CERS3: variants seen among roughly 807,000 people sequenced by gnomAD.
CERS3 encodes LAG1 homolog, ceramide synthase 3.
CERS3 carries 33 observed loss-of-function variants against 50.3 expected under a neutral mutation model. The ratio of observed to expected loss-of-function variants is 0.66; its 90% CI spans 0.50 to 0.88. The LOEUF is 0.88. CERS3 is among the 40% of genes least tolerant of loss of function. CERS3 has a pLI of 0.00. For synonymous variants in CERS3, 176 were observed against 155.2 expected (o/e 1.13, Z -0.99); for missense variants, 470 against 460.3 (o/e 1.02, Z -0.19).
At chr15:100,531,851 T>A (rs1266110377), upstream of CERS3, among the ~76,000 whole-genome samples, 1 of 152,246 alleles carries the variant, frequency 6.6e-6, no homozygotes, top group Non-Finnish European at 1.5e-5. Flanking sequence ...TAATGATTCA[T>A]TGCATTTTAA....
chr15:100,526,089 T>G (rs1316126471), intron 1 of CERS3, among the ~76,000 whole-genome samples: 1 of 152,212 alleles, frequency 6.6e-6, no homozygotes, highest in African/African-American at 2.4e-5. Context: ...TGATCTGCAG[T>G]TTCTCTGGAT....
At position 100,403,060 on chromosome 15, in the gene CERS3, G is replaced by A. The variant is rs75094508; in HGVS notation, c.1000-195C>T. ...CAAACCTAAATAATTGACATTACAC[G>A]AAGCATATTTCTAGACCATAATGGA... On this transcript the variant is annotated intron_variant, in intron 11 of 11. Transcript: ENST00000679737. 5.3e-3 allele frequency among the ~76,000 whole-genome samples: 799 copies of A among 152,178 alleles called. 7 individuals are homozygous for A. Among genetic ancestry groups the A allele is most frequent in the African/African-American group, 0.018 (762 of 41,506 alleles).
intron 11 of CERS3, among the ~76,000 whole-genome samples, chr15:100,417,339 G>A (rs1210261813): frequency 2.0e-5 from 3 of 152,196 alleles, no homozygotes; most frequent in East Asian, 1.9e-4. Context: ...CTGGAAAATC[G>A]GGTCACTCCC....
chr15:100,423,557 C>T (rs1035282620), intron 11 of CERS3, among the ~76,000 whole-genome samples: 1 of 152,098 alleles, frequency 6.6e-6, no homozygotes, highest in Admixed American at 6.5e-5. Context: ...TTACAACACA[C>T]ATGGACACAA....
In CERS3 at chr15:100,501,713, G is replaced by A; in HGVS notation, c.137C>T (p.Ala46Val). Residue 46 changes from alanine to valine, a missense_variant, in exon 3 of 12, where the codon GCT becomes GTT. Transcript: ENST00000679737. ...ACGTCTGATAATCAGCAAGAGAAAA[G>A]CATATGGAATTGTCACGTATAAATG... ...PSHLYVTIPY[A>V]FLLLIIRRVF... The A allele has an allele frequency of 6.2e-7, 1 of 1,613,806 alleles. No homozygotes were observed. The highest frequency in any genetic ancestry group is 2.2e-5 in the East Asian group (1 of 44,872).
intron 2 of CERS3, among the ~76,000 whole-genome samples, chr15:100,510,137 A>G (rs906667542): frequency 1.3e-5 from 2 of 152,180 alleles, no homozygotes; most frequent in African/African-American, 2.4e-5. Flanking sequence ...TTCCAATTCT[A>G]AATGCATTTA....
intron 5 of CERS3, among the ~76,000 whole-genome samples, chr15:100,483,781 A>ATTTTTT (rs1267906519): frequency 3.5e-3 from 269 of 77,586 alleles, no homozygotes; most frequent in East Asian, 0.028. Context: ...AATAATTATT[A>ATTTTTT]TTATTATTTT....
intron 1 of CERS3, among the ~76,000 whole-genome samples, chr15:100,522,940 C>T (rs1436571957): frequency 6.6e-6 from 1 of 152,218 alleles, no homozygotes; most frequent in African/African-American, 2.4e-5. Flanking sequence ...ATTTACACTC[C>T]TCCCAGTGAC....
intron 2 of CERS3, among the ~76,000 whole-genome samples, chr15:100,512,225 T>C (rs2134614): frequency 0.95 from 145,377 of 152,322 alleles, 69,429 homozygotes; most frequent in Non-Finnish European, 0.97. Flanking sequence ...TTTGCCTGCT[T>C]GGGGAAAATG....
intron 11 of CERS3, among the ~76,000 whole-genome samples, chr15:100,416,351 TC>T (rs141790450): frequency 0.016 from 2,493 of 152,278 alleles, 30 homozygotes; most frequent in Admixed American, 0.027. Flanking sequence ...CATCTGACCT[TC>T]AACAAAGTTG....
At chr15:100,424,877 T>G (rs1317418378) in intron 11 of CERS3, among the ~76,000 whole-genome samples, 21 of 152,296 alleles carry the variant, frequency 1.4e-4, no homozygotes, top group Non-Finnish European at 4.4e-5. Flanking sequence ...AGGAGCTAAA[T>G]GTTAATAGCC....
intron 10 of CERS3, among the ~76,000 whole-genome samples, chr15:100,466,889 T>C (rs1475988367): frequency 8.0e-6 from 1 of 124,346 alleles, no homozygotes; most frequent in African/African-American, 2.8e-5. Context: ...AGTCTTTCTC[T>C]GTTGCCCAGG....
intron 9 of CERS3, among the ~76,000 whole-genome samples, chr15:100,471,566 G>A (rs573992881): frequency 9.9e-5 from 15 of 152,194 alleles, no homozygotes; most frequent in African/African-American, 2.4e-4. Context: ...TTCTTAAGTC[G>A]GGGCCAGTGT....
At chr15:100,479,966 G>T in intron 6 of CERS3, 23 bp downstream of exon 6, 1 of 1,564,582 alleles carries the variant, frequency 6.4e-7, no homozygotes, top group Non-Finnish European at 8.8e-7. Flanking sequence ...AATTCCAATC[G>T]AAGATATAAA....
Position 100,450,539 on chromosome 15 carries a change from A to G in CERS3, c.999+5354T>C, listed in dbSNP as rs949644355. Among the ~76,000 whole-genome samples, 4 of 152,106 alleles carry G rather than the reference A, an allele frequency of 2.6e-5. No homozygotes were observed. In the South Asian group the frequency reaches 8.3e-4, roughly 32 times the overall value. ...AAAGAAAAAAATGAAAAAAGAATGA[A>G]CATAGCCTACAGGACATATGGGACA... On this transcript the variant is annotated intron_variant, in intron 11 of 11. Coordinates refer to ENST00000679737, the MANE Select transcript of CERS3 (RefSeq NM_001378789.1).
At chr15:100,478,274 A>G (rs1364650336) in intron 7 of CERS3, among the ~76,000 whole-genome samples, 1 of 152,242 alleles carries the variant, frequency 6.6e-6, no homozygotes, top group Admixed American at 6.5e-5. Flanking sequence ...TGGCTTAAGA[A>G]AAGTACCAGT....
upstream of CERS3, among the ~76,000 whole-genome samples, chr15:100,533,077 C>T (rs188313602): frequency 1.5e-4 from 23 of 152,262 alleles, no homozygotes; most frequent in African/African-American, 4.3e-4. Flanking sequence ...GTCTCTTTGC[C>T]GGATAACCTG....
At chr15:100,505,318 G>A (rs1223660948) in intron 2 of CERS3, among the ~76,000 whole-genome samples, 1 of 152,174 alleles carries the variant, frequency 6.6e-6, no homozygotes, top group Non-Finnish European at 1.5e-5. Flanking sequence ...AGTTTATCAT[G>A]GTTATGTAGG....
intron 11 of CERS3, among the ~76,000 whole-genome samples, chr15:100,441,181 C>T (rs2033665717): frequency 6.6e-6 from 1 of 152,020 alleles, no homozygotes; most frequent in Non-Finnish European, 1.5e-5. Flanking sequence ...ATTTCTGCAC[C>T]CCGACCTCTT....
Sources: allele counts gnomAD v4.1 joint callset (sites outside exome capture counted in the v4.1 genomes callset), GRCh38; gene constraint gnomAD v4.1.1; transcripts MANE v1.5; gene names NCBI Gene and HGNC (gene_info 2026-07-23, HGNC 2026-07-21).